Variants in JMY observed in about 807,000 individuals in gnomAD.
JMY encodes junction mediating and regulatory protein, p53 cofactor, also known as junction-mediating and -regulatory protein.
JMY carries 46 observed loss-of-function variants against 103.3 expected under a neutral mutation model. That is an observed-to-expected ratio of 0.45 (90% confidence interval 0.35 to 0.57). The LOEUF (loss-of-function observed/expected upper bound fraction) is 0.57. JMY is among the 20% of genes least tolerant of loss of function. The probability of loss-of-function intolerance (pLI) is 0.00; values close to 1 mark genes in which losing one functional copy is unlikely to be tolerated. For missense variants in JMY, 1,238 were observed against 1,255.2 expected (o/e 0.99, Z 0.21); for synonymous variants, 526 against 489.3 (o/e 1.07, Z -0.99).
intron 1 of JMY, among the ~76,000 whole-genome samples, chr5:79,244,973 C>G (rs1744847726): frequency 6.6e-6 from 1 of 151,958 alleles, no homozygotes; most frequent in African/African-American, 2.4e-5. Flanking sequence ...ATTTATCCAG[C>G]AAAAGGCCAG....
intron 1 of JMY, among the ~76,000 whole-genome samples, chr5:79,276,974 C>T (rs1471596555): frequency 1.3e-5 from 2 of 152,106 alleles, no homozygotes; most frequent in Admixed American, 6.5e-5. Context: ...TGGCCTCAAG[C>T]AATCCTCTTA....
intron 7 of JMY, among the ~76,000 whole-genome samples, chr5:79,312,201 A>T (rs1747067865): frequency 6.6e-6 from 1 of 152,182 alleles, no homozygotes; most frequent in East Asian, 1.9e-4. Flanking sequence ...AAAACTGTGT[A>T]TTAAAAATAT....
chr5:79,247,867 TTATTTTATTTTATTTTA>T (rs1376942049), intron 1 of JMY, among the ~76,000 whole-genome samples: 1,876 of 150,000 alleles, frequency 0.013, 34 homozygotes, highest in African/African-American at 0.042. Flanking sequence ...TTTTTATATT[TTATTTTATTTTATTTTA>T]TATTTTATTT....
Position 79,323,913 on chromosome 5 carries a change from TGA to T in JMY, c.*2315_*2316del, listed in dbSNP as rs1472314385. The T allele has an allele frequency of 1.3e-5, 2 of 152,192 alleles. No individual in the cohort carries two copies. Among genetic ancestry groups the T allele is most frequent in the Non-Finnish European group, 2.9e-5 (2 of 68,034 alleles). 9.4% of individuals were successfully genotyped at this position (152,192 alleles called of 1,614,324 possible). Reference sequence around the variant, plus strand: ...CAACCCATCCTGTTACAGTTCTCCATGAGAGTCACCTCACACTTGGAAAAGAA... The same window carrying T: ...CAACCCATCCTGTTACAGTTCTCCATGAGTCACCTCACACTTGGAAAAGAA... On this transcript the variant is annotated 3_prime_UTR_variant, in exon 11 of 11. Coordinates refer to ENST00000396137, the MANE Select transcript of JMY (RefSeq NM_152405.5).
chr5:79,268,287 A>G (rs137936074), intron 1 of JMY, among the ~76,000 whole-genome samples: 4 of 152,024 alleles, frequency 2.6e-5, no homozygotes, highest in African/African-American at 9.7e-5. Context: ...TAAGACTGTT[A>G]TGGTGTCTCC....
At chr5:79,296,225 T>C (rs1293142981) in intron 4 of JMY, among the ~76,000 whole-genome samples, 1 of 152,236 alleles carries the variant, frequency 6.6e-6, no homozygotes, top group Non-Finnish European at 1.5e-5. Flanking sequence ...ATCACATTTT[T>C]CCACAAATGG....
At chr5:79,245,852 C>A (rs1744884877) in intron 1 of JMY, among the ~76,000 whole-genome samples, 1 of 152,134 alleles carries the variant, frequency 6.6e-6, no homozygotes, top group Admixed American at 6.5e-5. Flanking sequence ...TCTTGAACTC[C>A]TAAACTCAGG....
intron 1 of JMY, among the ~76,000 whole-genome samples, chr5:79,271,792 T>G (rs143614739): frequency 6.6e-6 from 1 of 152,148 alleles, no homozygotes; most frequent in Non-Finnish European, 1.5e-5. Flanking sequence ...GTCTTCCTGA[T>G]GAATTGACTC....
chr5:79,238,402 CAAA>C (rs11390364), intron 1 of JMY, among the ~76,000 whole-genome samples: 3 of 148,606 alleles, frequency 2.0e-5, no homozygotes, highest in South Asian at 4.2e-4. Flanking sequence ...CTTAAAATAA[CAAA>C]AAAAAAGTGG....
chr5:79,271,681 C>T (rs1337336531), intron 1 of JMY, among the ~76,000 whole-genome samples: 1 of 152,124 alleles, frequency 6.6e-6, no homozygotes, highest in Non-Finnish European at 1.5e-5. Flanking sequence ...TTAAAATCAC[C>T]AACTCTGTCA....
intron 3 of JMY, among the ~76,000 whole-genome samples, chr5:79,290,710 G>A (rs1015501882): frequency 7.9e-5 from 12 of 152,148 alleles, no homozygotes; most frequent in Admixed American, 1.3e-4. Flanking sequence ...AATGTCGGCC[G>A]GGCACGGTGG....
chr5:79,283,442 C>A (rs941213401), intron 2 of JMY, among the ~76,000 whole-genome samples: 5 of 152,170 alleles, frequency 3.3e-5, no homozygotes, highest in African/African-American at 1.2e-4. Flanking sequence ...AACTTGGCAT[C>A]CCAAATGTAT....
intron 8 of JMY, among the ~76,000 whole-genome samples, chr5:79,313,179 G>C (rs940737097): frequency 7.2e-5 from 11 of 152,186 alleles, no homozygotes; most frequent in African/African-American, 2.7e-4. Flanking sequence ...TGTAATCCCA[G>C]CACTTTATGA....
At chr5:79,249,630 T>A (rs1405087428) in intron 1 of JMY, among the ~76,000 whole-genome samples, 2 of 152,204 alleles carry the variant, frequency 1.3e-5, no homozygotes, top group African/African-American at 4.8e-5. Flanking sequence ...TATCAGCATG[T>A]TTTTGGGTTT....
intron 7 of JMY, 75 bp downstream of exon 7, chr5:79,306,536 A>G (rs1191973963): frequency 9.7e-7 from 1 of 1,028,160 alleles, no homozygotes; most frequent in Non-Finnish European, 1.5e-6. Flanking sequence ...ATCTGTAGAG[A>G]ATGATAAAAA....
intron 1 of JMY, among the ~76,000 whole-genome samples, chr5:79,239,338 A>G (rs1038324140): frequency 6.6e-6 from 1 of 152,190 alleles, no homozygotes; most frequent in Non-Finnish European, 1.5e-5. Flanking sequence ...TTAAGTGACC[A>G]CATATATTCT....
intron 8 of JMY, among the ~76,000 whole-genome samples, chr5:79,313,088 C>T (rs140067072): frequency 6.6e-6 from 1 of 152,174 alleles, no homozygotes; most frequent in Non-Finnish European, 1.5e-5. Flanking sequence ...GTGAAGTAGG[C>T]TTTTGAACAA....
rs1165713729 is a variant in JMY at position 79,314,568 on chromosome 5, C to G, written c.2376C>G (p.Asn792Lys). 1 of 1,614,152 alleles carries G rather than the reference C, an allele frequency of 6.2e-7. No individual in the cohort carries two copies. The highest frequency in any genetic ancestry group is 1.1e-5 in the South Asian group (1 of 91,078). Residue 792 changes from asparagine to lysine, a missense_variant, in exon 9 of 11, where the codon AAC (asparagine) becomes AAG (lysine). Asn to Lys is a moderately conservative substitution (Grantham distance 94, BLOSUM62 0). Transcript: ENST00000396137. ...PTISLPLLNN[N>K]LEPCSVTINP... ...TATCTCTTCCACTTTTGAATAACAA[C>G]CTCGAACCATGTTCTGTTACCATAA...
At chr5:79,288,723 TTTG>T (rs1746340606) in intron 2 of JMY, among the ~76,000 whole-genome samples, 1 of 150,460 alleles carries the variant, frequency 6.6e-6, no homozygotes. Flanking sequence ...TTTGTTTTTT[TTTG>T]TTTGTTTGTT....
Sources: gnomAD v4.1 joint callset for allele counts (sites outside exome capture counted in the v4.1 genomes callset) on GRCh38, gnomAD v4.1.1 for gene constraint, MANE v1.5 for transcripts, NCBI Gene and HGNC (gene_info 2026-07-23, HGNC 2026-07-21) for gene names.